Variants in VPS13D observed in about 807,000 individuals in gnomAD.
VPS13D encodes the protein vacuolar protein sorting 13 homolog D.
A neutral mutation model predicts 461.9 loss-of-function variants in VPS13D; 187 were observed. That is an observed-to-expected ratio of 0.40 (90% CI 0.36 to 0.46). The LOEUF is 0.46. VPS13D is among the 20% of genes least tolerant of loss of function. VPS13D has a pLI of 0.60. For missense variants in VPS13D, 4,711 were observed against 5,364.9 expected (o/e 0.88, Z 3.81); for synonymous variants, 1,951 against 1,986.3 (o/e 0.98, Z 0.47).
chr1:12,293,399 A>G, intron 23 of VPS13D, 125 bp from the exon 24 acceptor site: 1 of 907,252 alleles, frequency 1.1e-6, no homozygotes, highest in East Asian at 2.7e-5. Flanking sequence ...GTAAAGCCTA[A>G]TTTTGGATTT....
intron 65 of VPS13D, among the ~76,000 whole-genome samples, chr1:12,452,445 G>T (rs555688315): frequency 6.6e-6 from 1 of 152,340 alleles, no homozygotes; most frequent in South Asian, 2.1e-4. Context: ...TCAGAGAAGA[G>T]CAAGGCCAGA....
chr1:12,483,360 C>T (rs1046347890), intron 67 of VPS13D, among the ~76,000 whole-genome samples: 2 of 152,198 alleles, frequency 1.3e-5, no homozygotes, highest in African/African-American at 4.8e-5. Flanking sequence ...GAATTAGAAG[C>T]GTTGAAACAT....
At chr1:12,469,038 G>GA (rs59166714) in intron 67 of VPS13D, among the ~76,000 whole-genome samples, 2,367 of 119,472 alleles carry the variant, frequency 0.02, 42 homozygotes, top group African/African-American at 0.059. Flanking sequence ...CTGTCTCAAA[G>GA]AAAAAAAAAA....
chr1:12,399,378 G>A (rs961050642), intron 60 of VPS13D, among the ~76,000 whole-genome samples: 3 of 151,616 alleles, frequency 2.0e-5, no homozygotes, highest in African/African-American at 7.3e-5. Flanking sequence ...TGTATTTGTA[G>A]TAGAGACGGG....
At chr1:12,393,957 C>CA (rs983010900) in intron 60 of VPS13D, among the ~76,000 whole-genome samples, 3 of 152,320 alleles carry the variant, frequency 2.0e-5, no homozygotes. Flanking sequence ...TGGAGGGCAA[C>CA]AATGACATTT....
chr1:12,338,936 A>G (rs553743498), intron 40 of VPS13D, among the ~76,000 whole-genome samples: 1 of 152,320 alleles, frequency 6.6e-6, no homozygotes, highest in East Asian at 1.9e-4. Context: ...CAAGATGTTC[A>G]GTTTTTGTTT....
In VPS13D at chr1:12,509,353, A is replaced by G. The variant is rs149546990; in HGVS notation, c.*329A>G. On this transcript the variant is annotated 3_prime_UTR_variant, in exon 70 of 70. Coordinates refer to ENST00000620676, the MANE Select transcript of VPS13D (RefSeq NM_015378.4). ...TGTACAACAGTGTGTTTGTAAATAT[A>G]TAGGAACGTTTCTGAACAGGGTCTG... The G allele has an allele frequency of 3.1e-3, 682 of 217,426 alleles. 1 individual carries two copies. Among genetic ancestry groups the G allele is most frequent in the Non-Finnish European group, 4.3e-3 (480 of 110,448 alleles). 13.5% of individuals were successfully genotyped at this position (217,426 alleles called of 1,614,324 possible).
chr1:12,371,694 A>AT lies in VPS13D; in HGVS notation c.10808+2000dup, dbSNP rs1299133670. 4.6e-5 allele frequency among the ~76,000 whole-genome samples: 7 copies of AT among 151,688 alleles called. 1 individual carries two copies. The highest frequency in any genetic ancestry group is 4.2e-4 in the South Asian group (2 of 4,810). ...AGGCTTGAGCCACTGCTCCTGGCCC[A>AT]TTTTTTTTATGAAAAGTACCCAGTA... On this transcript the variant is annotated intron_variant, in intron 54 of 69. Coordinates refer to ENST00000620676, the MANE Select transcript of VPS13D (RefSeq NM_015378.4).
intron 36 of VPS13D, among the ~76,000 whole-genome samples, chr1:12,328,302 T>C (rs1643243168): frequency 6.6e-6 from 1 of 151,880 alleles, no homozygotes; most frequent in Non-Finnish European, 1.5e-5. Context: ...GGTAAAACAC[T>C]GTTTATATGT....
chr1:12,373,019 C>A (rs1002948326), intron 54 of VPS13D, among the ~76,000 whole-genome samples: 8 of 144,568 alleles, frequency 5.5e-5, no homozygotes, highest in African/African-American at 1.8e-4. Context: ...CTTGCCAAGA[C>A]TTGGGGATGC....
At chr1:12,442,621 G>A (rs1206081590) in intron 65 of VPS13D, among the ~76,000 whole-genome samples, 2 of 149,862 alleles carry the variant, frequency 1.3e-5, no homozygotes, top group African/African-American at 4.9e-5. Context: ...CTGTAGACAG[G>A]GTCTGGCTTT....
chr1:12,315,962 T>C (rs542600053), intron 30 of VPS13D, among the ~76,000 whole-genome samples: 1 of 152,122 alleles, frequency 6.6e-6, no homozygotes, highest in East Asian at 1.9e-4. Flanking sequence ...GACTACAGGC[T>C]CCTGCCACCA....
chr1:12,469,038 G>GAA (rs59166714), intron 67 of VPS13D, among the ~76,000 whole-genome samples: 62 of 119,788 alleles, frequency 5.2e-4, no homozygotes, highest in African/African-American at 1.7e-3. Context: ...CTGTCTCAAA[G>GAA]AAAAAAAAAA....
chr1:12,248,325 GTTATTA>G (rs753982925), intron 5 of VPS13D, among the ~76,000 whole-genome samples: 39 of 150,822 alleles, frequency 2.6e-4, no homozygotes, highest in Admixed American at 9.2e-4. Flanking sequence ...TTTACTTTCT[GTTATTA>G]TTATTATTAT....
intron 40 of VPS13D, among the ~76,000 whole-genome samples, chr1:12,339,833 A>G (rs1643529299): frequency 6.6e-6 from 1 of 152,210 alleles, no homozygotes; most frequent in Non-Finnish European, 1.5e-5. Context: ...TTTAACTCCA[A>G]AGCAGTATAC....
chr1:12,430,806 G>T (rs1644981894), intron 65 of VPS13D, among the ~76,000 whole-genome samples: 1 of 152,196 alleles, frequency 6.6e-6, no homozygotes, highest in African/African-American at 2.4e-5. Flanking sequence ...AGCGGGTCAT[G>T]CAAATCTCCA....
intron 42 of VPS13D, among the ~76,000 whole-genome samples, chr1:12,344,212 A>G (rs759552617): frequency 2.0e-5 from 3 of 152,208 alleles, no homozygotes; most frequent in Non-Finnish European, 2.9e-5. Context: ...TGAGCCTCAT[A>G]TTTGTTTTCA....
In VPS13D at chr1:12,304,624, G is replaced by C; in HGVS notation, c.6335G>C (p.Gly2112Ala). The C allele has an allele frequency of 6.2e-7, 1 of 1,614,102 alleles. No individual in the cohort carries two copies. The highest frequency in any genetic ancestry group is 8.5e-7 in the Non-Finnish European group (1 of 1,180,026). Reference sequence around the variant, plus strand: ...GGGCAGTTCACGATGCCTCTTGCTGGAATGAGCCTAGGAAGCCTGAAGAGT... The same window carrying C: ...GGGCAGTTCACGATGCCTCTTGCTGCAATGAGCCTAGGAAGCCTGAAGAGT... ...SQGQFTMPLA[G>A]MSLGSLKSEF... Residue 2112 changes from glycine to alanine, a missense_variant, in exon 26 of 70, where the codon GGA becomes GCA. Physicochemically the swap from Gly to Ala is moderately conservative, Grantham distance 60. Transcript: ENST00000620676.
At chr1:12,322,098 C>T in intron 33 of VPS13D, 134 bp downstream of exon 33, 4 of 1,134,188 alleles carry the variant, frequency 3.5e-6, no homozygotes, top group Non-Finnish European at 5.0e-6. Flanking sequence ...TGGAGTCTTG[C>T]TCTGTCGCCC....
Sources: allele counts gnomAD v4.1 joint callset (sites outside exome capture counted in the v4.1 genomes callset), GRCh38; gene constraint gnomAD v4.1.1; transcripts MANE v1.5; gene names NCBI Gene and HGNC (gene_info 2026-07-23, HGNC 2026-07-21).